Variants in USP34 observed in about 807,000 individuals in gnomAD.
The protein encoded by USP34 is ubiquitin specific peptidase 34.
Under a neutral mutation model 460.3 loss-of-function variants are expected in USP34, and 70 were observed. That is an observed-to-expected ratio of 0.15 (90% CI 0.13 to 0.19). The LOEUF is 0.19. Among genes scored for constraint, USP34 ranks in the 10% least tolerant of loss-of-function variants. USP34 has a pLI of 1.00. For missense variants in USP34, 3,985 were observed against 4,236.2 expected (o/e 0.94, Z 1.65); for synonymous variants, 1,647 against 1,405.3 (o/e 1.17, Z -3.85).
At chr2:61,449,341 A>G (rs191459645) in intron 1 of USP34, among the ~76,000 whole-genome samples, 1 of 152,216 alleles carries the variant, frequency 6.6e-6, no homozygotes, top group East Asian at 1.9e-4. Flanking sequence ...TCCCATGTTC[A>G]TGGATCAGGA....
chr2:61,408,680 A>G (rs1189294886), intron 2 of USP34, among the ~76,000 whole-genome samples: 1 of 151,520 alleles, frequency 6.6e-6, no homozygotes, highest in Non-Finnish European at 1.5e-5. Context: ...CAGATCACTT[A>G]AGGTCAGGGG....
chr2:61,467,289 C>A (rs914450409), intron 1 of USP34, among the ~76,000 whole-genome samples: 3 of 151,760 alleles, frequency 2.0e-5, no homozygotes, highest in Non-Finnish European at 4.4e-5. Flanking sequence ...GGTGACACAG[C>A]GAGATTCTGT....
At chr2:61,276,351 CAA>C (rs1383348012) in intron 41 of USP34, among the ~76,000 whole-genome samples, 1 of 152,030 alleles carries the variant, frequency 6.6e-6, no homozygotes, top group Non-Finnish European at 1.5e-5. Context: ...TCATAAATGT[CAA>C]AGATTTAAAT....
At chr2:61,320,846 C>T (rs1241644519) in intron 21 of USP34, among the ~76,000 whole-genome samples, 1 of 152,076 alleles carries the variant, frequency 6.6e-6, no homozygotes, top group Non-Finnish European at 1.5e-5. Context: ...CCCGTCTCTA[C>T]TAAAAATACA....
chr2:61,360,096 T>C (rs892845098), intron 10 of USP34, among the ~76,000 whole-genome samples: 1 of 151,810 alleles, frequency 6.6e-6, no homozygotes, highest in Non-Finnish European at 1.5e-5. Context: ...ACACAAATAA[T>C]AGCATAAATC....
intron 58 of USP34, among the ~76,000 whole-genome samples, chr2:61,232,017 A>C (rs1034927221): frequency 6.6e-6 from 1 of 152,088 alleles, no homozygotes; most frequent in African/African-American, 2.4e-5. Flanking sequence ...TTACCCAACA[A>C]TTTAAAGAAA....
At chr2:61,355,121 G>A (rs1692065207) in intron 10 of USP34, among the ~76,000 whole-genome samples, 1 of 152,190 alleles carries the variant, frequency 6.6e-6, no homozygotes, top group South Asian at 2.1e-4. Context: ...ATTAGTAATT[G>A]TTGGAATGAA....
At chr2:61,190,117 G>T (rs1686587575) in intron 78 of USP34, 154 bp downstream of exon 78, 2 of 949,208 alleles carry the variant, frequency 2.1e-6, no homozygotes, top group African/African-American at 3.3e-5. Flanking sequence ...ACAAGGCATA[G>T]TAAACGTGTA....
chr2:61,373,473 A>G (rs1692693004), intron 8 of USP34, among the ~76,000 whole-genome samples: 2 of 152,282 alleles, frequency 1.3e-5, no homozygotes, highest in African/African-American at 4.8e-5. Context: ...CCATGCCAAC[A>G]ATAAGCTTAA....
chr2:61,398,130 G>C (rs558163515), intron 3 of USP34, among the ~76,000 whole-genome samples: 2 of 152,102 alleles, frequency 1.3e-5, no homozygotes, highest in Non-Finnish European at 1.5e-5. Context: ...TCCCAGCACT[G>C]TGGGAGGCTG....
At chr2:61,378,166 C>T (rs546923119) in intron 8 of USP34, among the ~76,000 whole-genome samples, 197 bp downstream of exon 8, 2 of 152,070 alleles carry the variant, frequency 1.3e-5, no homozygotes, top group Non-Finnish European at 2.9e-5. Flanking sequence ...GAGCAAGACC[C>T]TGTCTCAAAA....
chr2:61,228,678 T>C lies in USP34; in HGVS notation c.7410A>G (p.Val2470=), dbSNP rs1335204337. ...GTCCTTTTGTTCCCATGTAAAAATG[T>C]ACCATTGTAGATATAGCTTGCAATG... ...LLSLQAISTM[V]HFYMGTKGPE... Residue 2470 remains valine (V), a synonymous_variant, in exon 61 of 80, where the codon GTA becomes GTG. Coordinates refer to ENST00000398571, the MANE Select transcript of USP34 (RefSeq NM_014709.4). 1 of 1,612,172 alleles carries C rather than the reference T, an allele frequency of 6.2e-7. No individual in the cohort carries two copies. Among genetic ancestry groups the C allele is most frequent in the African/African-American group, 1.3e-5 (1 of 75,000 alleles).
intron 69 of USP34, 139 bp downstream of exon 69, chr2:61,211,633 T>C (rs763929028): frequency 4.1e-5 from 38 of 935,980 alleles, no homozygotes; most frequent in Non-Finnish European, 3.7e-5. Context: ...TTAAAAGTAG[T>C]TCATGAACCT....
At chr2:61,407,386 G>C (rs998049781) in intron 2 of USP34, among the ~76,000 whole-genome samples, 1 of 152,170 alleles carries the variant, frequency 6.6e-6, no homozygotes, top group Non-Finnish European at 1.5e-5. Context: ...ACGGTCTGGT[G>C]AATCAATAGG....
intron 1 of USP34, among the ~76,000 whole-genome samples, chr2:61,423,233 C>A (rs1275551196): frequency 6.6e-6 from 1 of 152,150 alleles, no homozygotes; most frequent in East Asian, 1.9e-4. Context: ...CCTGCCTCAG[C>A]CTCCTGAGTA....
Position 61,206,036 on chromosome 2 carries a change from T to A in USP34, c.9135A>T (p.Glu3045Asp), listed in dbSNP as rs756097741. 6.2e-7 allele frequency: 1 copy of A among 1,613,466 alleles called. No homozygotes were observed. The highest frequency in any genetic ancestry group is 1.1e-5 in the South Asian group (1 of 91,050). The change falls in exon 72 of 80, where the codon GAA becomes GAT. Residue 3045 changes from glutamate to aspartate, a missense_variant. By Grantham distance (45) the Glu-to-Asp change is conservative. Around this residue, in one of 14 missense-constraint regions of USP34, gnomAD observed 275 missense variants for 292.7 expected, o/e 0.94. Transcript: ENST00000398571. ...ACTTACCTATACAGGCATTTCTAAGTTCTGGAGGACTATAGGAATTAAGAA... is the reference window on the plus strand; with the variant it reads ...ACTTACCTATACAGGCATTTCTAAGATCTGGAGGACTATAGGAATTAAGAA... Reference protein sequence around the residue: ...LTLLNSYSPPELRNACIDVLK... With the variant: ...LTLLNSYSPPDLRNACIDVLK...
intron 41 of USP34, among the ~76,000 whole-genome samples, chr2:61,273,053 A>T (rs566949680): frequency 1.6e-4 from 25 of 152,334 alleles, no homozygotes; most frequent in African/African-American, 5.8e-4. Flanking sequence ...TGTATACACA[A>T]ATTCTTACTA....
At chr2:61,307,905 T>C (rs913948321) in intron 27 of USP34, among the ~76,000 whole-genome samples, 5 of 151,686 alleles carry the variant, frequency 3.3e-5, no homozygotes, top group Non-Finnish European at 7.4e-5. Context: ...AAAAATCAGC[T>C]GGGCATGATG....
At chr2:61,401,150 A>C (rs925857370) in intron 3 of USP34, among the ~76,000 whole-genome samples, 5 of 20,996 alleles carry the variant, frequency 2.4e-4, no homozygotes, top group East Asian at 1.7e-3. Context: ...ACTCTGTCTC[A>C]AAAAAAAAAA....
Sources: allele counts gnomAD v4.1 joint callset (sites outside exome capture counted in the v4.1 genomes callset), GRCh38; gene constraint gnomAD v4.1.1; regional missense constraint gnomAD v4.1.1; transcripts MANE v1.5; gene names NCBI Gene and HGNC (gene_info 2026-07-23, HGNC 2026-07-21).